Variants in SSBP2 observed in about 807,000 individuals in gnomAD.
The protein encoded by SSBP2 is single stranded DNA binding protein 2.
Under a neutral mutation model 61.8 loss-of-function variants are expected in SSBP2, and 17 were observed. The ratio of observed to expected loss-of-function variants is 0.28; its 90% CI spans 0.19 to 0.41. The LOEUF (loss-of-function observed/expected upper bound fraction) is 0.41. Among genes scored for constraint, SSBP2 ranks in the 10% least tolerant of loss-of-function variants. SSBP2 has a pLI of 1.00. For synonymous variants in SSBP2, 139 were observed against 141.3 expected, an observed-to-expected ratio of 0.98 and a Z score of 0.12; for missense variants, 310 against 458.7, an observed-to-expected ratio of 0.68 and a Z score of 2.96.
At chr5:81,452,796 C>T (rs1763861987) in intron 10 of SSBP2, among the ~76,000 whole-genome samples, 1 of 152,042 alleles carries the variant, frequency 6.6e-6, no homozygotes, top group African/African-American at 2.4e-5. Flanking sequence ...ATATGATAAA[C>T]AAACTTTTAG....
chr5:81,695,276 C>A (rs1753519105), intron 1 of SSBP2, among the ~76,000 whole-genome samples: 1 of 152,108 alleles, frequency 6.6e-6, no homozygotes, highest in Admixed American at 6.6e-5. Context: ...GATTAGGAAA[C>A]CAGTAATTAC....
chr5:81,638,419 A>G (rs926821010), intron 2 of SSBP2, among the ~76,000 whole-genome samples: 6 of 151,962 alleles, frequency 3.9e-5, no homozygotes, highest in Non-Finnish European at 5.9e-5. Context: ...GCTACTCTGG[A>G]GGCTGAGGCA....
chr5:81,630,672 T>C (rs774888176), intron 3 of SSBP2, among the ~76,000 whole-genome samples: 7 of 148,376 alleles, frequency 4.7e-5, no homozygotes, highest in Non-Finnish European at 1.0e-4. Context: ...ACCAACGCCA[T>C]GGAAGAAGGG....
chr5:81,607,680 C>T (rs1219468940), intron 4 of SSBP2, among the ~76,000 whole-genome samples: 2 of 152,090 alleles, frequency 1.3e-5, no homozygotes, highest in Admixed American at 1.3e-4. Flanking sequence ...AAATTTGAAT[C>T]CAGTTGTCCC....
At chr5:81,702,979 C>T (rs1754096443) in intron 1 of SSBP2, among the ~76,000 whole-genome samples, 1 of 152,166 alleles carries the variant, frequency 6.6e-6, no homozygotes, top group Non-Finnish European at 1.5e-5. Flanking sequence ...ACACACATTC[C>T]CCACTATCTA....
chr5:81,428,254 T>A (rs1051334732), intron 16 of SSBP2, among the ~76,000 whole-genome samples: 1 of 152,204 alleles, frequency 6.6e-6, no homozygotes, highest in African/African-American at 2.4e-5. Context: ...GAAACACACC[T>A]AGTTTTGCAG....
At chr5:81,513,055 T>A (rs1200362784) in intron 5 of SSBP2, among the ~76,000 whole-genome samples, 1 of 151,650 alleles carries the variant, frequency 6.6e-6, no homozygotes, top group Non-Finnish European at 1.5e-5. Flanking sequence ...ATTGTAAAAT[T>A]GTTATCATCA....
chr5:81,677,999 G>A (rs1448104291), intron 1 of SSBP2, among the ~76,000 whole-genome samples: 2 of 152,090 alleles, frequency 1.3e-5, no homozygotes, highest in African/African-American at 4.8e-5. Flanking sequence ...CATCATGTCT[G>A]GCTTTAAGAA....
At chr5:81,550,991 G>A (rs1203782675) in intron 4 of SSBP2, among the ~76,000 whole-genome samples, 3 of 150,950 alleles carry the variant, frequency 2.0e-5, no homozygotes, top group Non-Finnish European at 4.4e-5. Flanking sequence ...ACCTACTCAG[G>A]AGGCTGAGGC....
chr5:81,433,021 C>T (rs1477181732), intron 15 of SSBP2, among the ~76,000 whole-genome samples: 8 of 151,640 alleles, frequency 5.3e-5, no homozygotes, highest in South Asian at 2.1e-4. Flanking sequence ...CCGCCCCTTC[C>T]GGGAGGTGAG....
At chr5:81,491,408 G>A (rs939512293) in intron 5 of SSBP2, among the ~76,000 whole-genome samples, 7 of 152,178 alleles carry the variant, frequency 4.6e-5, no homozygotes, top group Non-Finnish European at 8.8e-5. Context: ...TGAGATCTGC[G>A]TGTTGATCTG....
At chr5:81,485,383 T>C (rs141829423) in intron 6 of SSBP2, among the ~76,000 whole-genome samples, 4 of 152,298 alleles carry the variant, frequency 2.6e-5, no homozygotes, top group Admixed American at 6.5e-5. Flanking sequence ...GTGCTATACA[T>C]ATACAAAGAA....
At chr5:81,608,004 T>C (rs539397416) in intron 4 of SSBP2, among the ~76,000 whole-genome samples, 1 of 152,278 alleles carries the variant, frequency 6.6e-6, no homozygotes, top group African/African-American at 2.4e-5. Context: ...TATTTTCCCT[T>C]GTTTTCATGC....
At chr5:81,527,019 C>A (rs1405781675) in intron 4 of SSBP2, among the ~76,000 whole-genome samples, 1 of 151,638 alleles carries the variant, frequency 6.6e-6, no homozygotes, top group East Asian at 1.9e-4. Flanking sequence ...AAAAGTATTA[C>A]AAATTAAAAG....
intron 3 of SSBP2, among the ~76,000 whole-genome samples, chr5:81,620,083 A>G (rs1162333610): frequency 2.1e-5 from 2 of 95,900 alleles, no homozygotes; most frequent in African/African-American, 4.5e-5. Context: ...TATTCAACAT[A>G]GTGTTGGAAG....
At chr5:81,664,304 AT>A (rs1750935409) in intron 1 of SSBP2, among the ~76,000 whole-genome samples, 3 of 146,932 alleles carry the variant, frequency 2.0e-5, no homozygotes, top group Non-Finnish European at 4.5e-5. Context: ...TTTTTTTTGT[AT>A]TTTTAGTAGA....
intron 1 of SSBP2, among the ~76,000 whole-genome samples, chr5:81,687,934 T>C (rs1271340685): frequency 6.6e-6 from 1 of 152,084 alleles, no homozygotes; most frequent in Non-Finnish European, 1.5e-5. Context: ...TTCCCAGCTG[T>C]AGTTGCTACA....
chr5:81,614,148 CAGG>C lies in SSBP2; in HGVS notation c.282+1322_282+1324del, dbSNP rs1465931721. Among the ~76,000 whole-genome samples the C allele has an allele frequency of 2.0e-5, 3 of 152,084 alleles. No individual in the cohort carries two copies. In the East Asian group the frequency reaches 5.8e-4, roughly 29 times the overall value. ...GGCCGAGGCGGGCGGATCACGAGGT[CAGG>C]AGATCGAGACCATCTTGGCTAACAC... On this transcript the variant is annotated intron_variant, in intron 4 of 16. Coordinates refer to ENST00000320672, the MANE Select transcript of SSBP2 (RefSeq NM_012446.5).
chr5:81,554,976 T>C (rs1772483212), intron 4 of SSBP2, among the ~76,000 whole-genome samples: 1 of 152,136 alleles, frequency 6.6e-6, no homozygotes, highest in Non-Finnish European at 1.5e-5. Context: ...ATCTGGGTAG[T>C]GCCACCGTGC....
Sources: gnomAD v4.1 joint callset for allele counts (sites outside exome capture counted in the v4.1 genomes callset) on GRCh38, gnomAD v4.1.1 for gene constraint, MANE v1.5 for transcripts, NCBI Gene and HGNC (gene_info 2026-07-23, HGNC 2026-07-21) for gene names.